WNK2: variants seen among roughly 807,000 people sequenced by gnomAD.
WNK2 encodes serine/threonine-protein kinase WNK2.
Under a neutral mutation model 192.1 loss-of-function variants are expected in WNK2, and 67 were observed. The observed-to-expected ratio is 0.35, with a 90% CI of 0.29 to 0.43. The LOEUF is 0.43. WNK2 is among the 20% of genes least tolerant of loss of function. The pLI, the probability that WNK2 is intolerant of heterozygous loss-of-function variation, is 1.00. For missense variants in WNK2, 2,698 were observed against 3,089.7 expected, an observed-to-expected ratio of 0.87 and a Z score of 3.01; for synonymous variants, 1,439 against 1,393.9, an observed-to-expected ratio of 1.03 and a Z score of -0.72.
At chr9:93,215,909 T>C (rs958650518) in intron 2 of WNK2, among the ~76,000 whole-genome samples, 6 of 152,218 alleles carry the variant, frequency 3.9e-5, no homozygotes, top group African/African-American at 1.2e-4. Context: ...TGTTTAGAAA[T>C]TATGGACATA....
intron 4 of WNK2, 21 bp from the exon 5 acceptor site, chr9:93,234,787 G>A (rs765321098): frequency 1.0e-5 from 16 of 1,607,034 alleles, no homozygotes; most frequent in East Asian, 2.2e-5. Flanking sequence ...TGACAGCTGC[G>A]TCTGTTGCTT....
chr9:93,238,382 G>A (rs1391379604), intron 6 of WNK2, 61 bp downstream of exon 6: 4 of 1,488,824 alleles, frequency 2.7e-6, no homozygotes, highest in Non-Finnish European at 3.7e-6. Context: ...ATTCCAGCTT[G>A]CATTGAGAGC....
At position 93,289,270 on chromosome 9, in the gene WNK2, G is replaced by A. The variant is rs1378132051; in HGVS notation, c.4516G>A (p.Ala1506Thr). 5.0e-6 allele frequency: 8 copies of A among 1,600,122 alleles called. No homozygotes were observed. Among genetic ancestry groups the A allele is most frequent in the Non-Finnish European group, 6.8e-6 (8 of 1,175,036 alleles). ...TCCCCTGCTTCCTGCCGCAGTGGGG[G>A]CCGTCAGCCTGGCCACCTCCCAGCT... ...PAPLLPAAVG[A>T]VSLATSQLPS... is the part of the protein sequence containing the mutation. Residue 1506 changes from alanine (A) to threonine (T), a missense_variant, in exon 20 of 30, where the codon GCC becomes ACC. Ala to Thr is a moderately conservative substitution (Grantham distance 58, BLOSUM62 0). Transcript: ENST00000427277.
At chr9:93,200,166 G>A (rs541806216) in intron 2 of WNK2, among the ~76,000 whole-genome samples, 15 of 152,306 alleles carry the variant, frequency 9.8e-5, no homozygotes, top group Non-Finnish European at 1.6e-4. Context: ...GGTCCATTGA[G>A]TGGAATTATT....
Position 93,205,722 on chromosome 9 carries a change from C to T in WNK2, c.681+20112C>T, listed in dbSNP as rs140934129. On this transcript the variant is annotated intron_variant, in intron 2 of 29. Transcript: ENST00000427277. ...ACTTTTACTCTTTGAGTGACACAGA[C>T]GAAGCTGGGGGCAGCCTTTGAGAAG... Among the ~76,000 whole-genome samples, 354 of 152,316 alleles carry T rather than the reference C, an allele frequency of 2.3e-3. 4 individuals carry two copies. Among genetic ancestry groups the T allele is most frequent in the African/African-American group, 7.9e-3 (329 of 41,550 alleles).
Position 93,260,617 on chromosome 9 carries a change from C to T in WNK2, c.3066+1003C>T, listed in dbSNP as rs147774319. Among the ~76,000 whole-genome samples, 190 of 152,336 alleles carry T rather than the reference C, an allele frequency of 1.2e-3. 5 individuals are homozygous for T. In the East Asian group the frequency reaches 0.033, roughly 26 times the overall value. On this transcript the variant is annotated intron_variant, in intron 12 of 29. Coordinates refer to ENST00000427277, the MANE Select transcript of WNK2 (RefSeq NM_006648.4). Reference sequence around the variant, plus strand: ...TCCAGACTGGAGTAAGCTGCCCCACCGTGAGCCGTTCCTCCTGGCCATCAC... The same window carrying T: ...TCCAGACTGGAGTAAGCTGCCCCACTGTGAGCCGTTCCTCCTGGCCATCAC...
chr9:93,193,828 C>G (rs759461415), intron 2 of WNK2, among the ~76,000 whole-genome samples: 9 of 152,124 alleles, frequency 5.9e-5, no homozygotes, highest in Non-Finnish European at 1.3e-4. Context: ...TAAATTGGCT[C>G]TCATTAAATT....
intron 19 of WNK2, among the ~76,000 whole-genome samples, chr9:93,281,849 TCC>T (rs1369224516): frequency 3.9e-5 from 6 of 152,234 alleles, no homozygotes; most frequent in African/African-American, 1.4e-4. Context: ...AATAGTGCTG[TCC>T]TCGCAGTGCT....
chr9:93,269,403 T>C (rs902966985), intron 19 of WNK2, among the ~76,000 whole-genome samples: 1 of 152,206 alleles, frequency 6.6e-6, no homozygotes, highest in Non-Finnish European at 1.5e-5. Context: ...ATGAAAAATA[T>C]CTGTAAATCA....
At position 93,194,415 on chromosome 9, in the gene WNK2, C is replaced by T. The variant is rs893885483; in HGVS notation, c.681+8805C>T. 4.6e-5 allele frequency among the ~76,000 whole-genome samples: 7 copies of T among 152,132 alleles called. No homozygotes were observed. In the East Asian group the frequency reaches 1.3e-3, roughly 29 times the overall value. On this transcript the variant is annotated intron_variant, in intron 2 of 29. Transcript: ENST00000427277. ...ATAGGCCAAAGAGCTTAACAGATAC[C>T]TCACCAAGGAAGACACACAGATGGC...
At chr9:93,202,074 T>C (rs1832470195) in intron 2 of WNK2, among the ~76,000 whole-genome samples, 1 of 152,202 alleles carries the variant, frequency 6.6e-6, no homozygotes, top group Admixed American at 6.5e-5. Context: ...TGATGCTACC[T>C]GGGACATACG....
chr9:93,185,152 G>A lies in WNK2; in HGVS notation c.223G>A (p.Val75Met), dbSNP rs1829051093. ...GCCCCCGCAGCCCCTGCAGCGCCGG[G>A]TGCTTCTGCTCTGCAAGACGCGCCG... ...PQPPQPLQRR[V>M]LLLCKTRRLI... The change falls in exon 2 of 30, where the codon GTG (valine) becomes ATG (methionine). Residue 75 changes from valine to methionine, a missense_variant. Transcript: ENST00000427277. 2 of 1,291,244 alleles carry A rather than the reference G, an allele frequency of 1.5e-6. No individual in the cohort carries two copies. Among genetic ancestry groups the A allele is most frequent in the Non-Finnish European group, 9.9e-7 (1 of 1,012,834 alleles). 80.0% of individuals were successfully genotyped at this position (1,291,244 alleles called of 1,614,324 possible).
chr9:93,316,805 G>T (rs945337576), intron 28 of WNK2: 1 of 152,786 alleles, frequency 6.5e-6, no homozygotes, highest in Admixed American at 6.5e-5. Context: ...GAGGTATTGG[G>T]CATTTTGTCG....
At chr9:93,260,249 A>G (rs1026806333) in intron 12 of WNK2, among the ~76,000 whole-genome samples, 1 of 152,148 alleles carries the variant, frequency 6.6e-6, no homozygotes, top group Non-Finnish European at 1.5e-5. Context: ...CCACACCCCT[A>G]CACAGTCCAC....
chr9:93,317,343 G>A (rs892082895), intron 28 of WNK2, 177 bp from the exon 29 acceptor site: 1 of 636,520 alleles, frequency 1.6e-6, no homozygotes, highest in Non-Finnish European at 2.7e-6. Context: ...GGAGGGTGAT[G>A]GTTCCTGGCC....
intron 21 of WNK2, 76 bp downstream of exon 21, chr9:93,290,123 A>G (rs1849096760): frequency 7.6e-7 from 1 of 1,322,884 alleles, no homozygotes; most frequent in African/African-American, 1.5e-5. Context: ...CTGCATCCGC[A>G]CCCTCGTCTT....
chr9:93,242,742 T>C (rs766439624), intron 7 of WNK2, among the ~76,000 whole-genome samples: 2 of 152,156 alleles, frequency 1.3e-5, no homozygotes, highest in Non-Finnish European at 2.9e-5. Context: ...GGATGACCTG[T>C]GGGAGTCTCA....
At chr9:93,224,887 G>T (rs1588018341) in intron 2 of WNK2, among the ~76,000 whole-genome samples, 1 of 152,282 alleles carries the variant, frequency 6.6e-6, no homozygotes, top group East Asian at 1.9e-4. Context: ...TTAGGGATCA[G>T]GTGCATTCTT....
chr9:93,209,948 G>A (rs1312501552), intron 2 of WNK2, among the ~76,000 whole-genome samples: 1 of 152,168 alleles, frequency 6.6e-6, no homozygotes, highest in Non-Finnish European at 1.5e-5. Context: ...ACGCCTGTGG[G>A]CACCAAGATC....
Sources: gnomAD v4.1 joint callset for allele counts (sites outside exome capture counted in the v4.1 genomes callset) on GRCh38, gnomAD v4.1.1 for gene constraint, MANE v1.5 for transcripts, NCBI Gene and HGNC (gene_info 2026-07-23, HGNC 2026-07-21) for gene names.